CTTNBP2: variants seen among roughly 807,000 people sequenced by gnomAD.
CTTNBP2 encodes the protein cortactin binding protein 2, also known as cortactin-binding protein 2.
CTTNBP2 carries 108 observed loss-of-function variants against 156.9 expected under a neutral mutation model. The ratio of observed to expected loss-of-function variants is 0.69; its 90% confidence interval spans 0.59 to 0.81. The LOEUF (loss-of-function observed/expected upper bound fraction) is 0.81, where lower values mean the gene tolerates loss of function less well. Among genes scored for constraint, CTTNBP2 ranks in the 30% least tolerant of loss-of-function variants. CTTNBP2 has a pLI of 0.00. For synonymous variants in CTTNBP2, 767 were observed against 751.8 expected (o/e 1.02, Z -0.33); for missense variants, 1,924 against 2,035.4 (o/e 0.95, Z 1.05).
Position 117,757,986 on chromosome 7 carries a change from G to A in CTTNBP2, c.3173-16C>T. The A allele has an allele frequency of 1.3e-6, 2 of 1,596,500 alleles. No homozygotes were observed. Among genetic ancestry groups the A allele is most frequent in the Non-Finnish European group, 1.7e-6 (2 of 1,167,174 alleles). On this transcript the variant is annotated splice_polypyrimidine_tract_variant and intron_variant, in intron 10 of 22. Coordinates refer to ENST00000160373, the MANE Select transcript of CTTNBP2 (RefSeq NM_033427.3). ...GGCACATTTCCTAGTTTCAAAAAAT[G>A]AAATAAAATGTCAAGGGAAGCTTAT...
At chr7:117,811,200 G>C (rs1314837960) in intron 2 of CTTNBP2, among the ~76,000 whole-genome samples, 2 of 152,112 alleles carry the variant, frequency 1.3e-5, no homozygotes, top group African/African-American at 4.8e-5. Flanking sequence ...TTTTCTTCAA[G>C]AATATTGAAT....
chr7:117,832,576 C>G (rs1801675889), intron 2 of CTTNBP2, among the ~76,000 whole-genome samples: 1 of 151,882 alleles, frequency 6.6e-6, no homozygotes, highest in Non-Finnish European at 1.5e-5. Flanking sequence ...TCCTTTCTCC[C>G]TGTGAAGCTT....
intron 2 of CTTNBP2, among the ~76,000 whole-genome samples, chr7:117,845,047 A>G (rs1802503228): frequency 6.6e-6 from 1 of 152,174 alleles, no homozygotes; most frequent in Admixed American, 6.5e-5. Flanking sequence ...ATTTAAAGTG[A>G]GGGCAGTCAG....
intron 12 of CTTNBP2, among the ~76,000 whole-genome samples, chr7:117,755,013 T>C (rs1455863940): frequency 6.6e-6 from 1 of 152,242 alleles, no homozygotes; most frequent in Admixed American, 6.5e-5. Context: ...GGAGTGGTTC[T>C]ACCAGCTGAT....
chr7:117,781,396 T>C (rs1798426553), intron 6 of CTTNBP2, among the ~76,000 whole-genome samples: 1 of 152,248 alleles, frequency 6.6e-6, no homozygotes, highest in Non-Finnish European at 1.5e-5. Flanking sequence ...TTTATACATT[T>C]TTTTTAAATT....
At chr7:117,756,077 G>A (rs989684898) in intron 12 of CTTNBP2, among the ~76,000 whole-genome samples, 1 of 152,160 alleles carries the variant, frequency 6.6e-6, no homozygotes, top group African/African-American at 2.4e-5. Flanking sequence ...TCACCTGCTG[G>A]GACTTATATG....
At chr7:117,861,135 A>C (rs1308987912) in intron 2 of CTTNBP2, 74 bp downstream of exon 2, 1 of 837,086 alleles carries the variant, frequency 1.2e-6, no homozygotes, top group Non-Finnish European at 1.9e-6. Context: ...AATTAAGAAA[A>C]AGAAGGTTTG....
intron 2 of CTTNBP2, among the ~76,000 whole-genome samples, chr7:117,860,490 C>T (rs994111494): frequency 6.6e-6 from 1 of 151,984 alleles, no homozygotes; most frequent in Admixed American, 6.6e-5. Flanking sequence ...CTACACGCGC[C>T]CGCCACCATG....
chr7:117,862,870 C>G (rs1049948431), intron 1 of CTTNBP2, among the ~76,000 whole-genome samples: 1 of 152,198 alleles, frequency 6.6e-6, no homozygotes, highest in Admixed American at 6.5e-5. Flanking sequence ...GATCATGCAA[C>G]TAACCAGTAA....
At position 117,792,116 on chromosome 7, in the gene CTTNBP2, A is replaced by C. The variant is rs762068195; in HGVS notation, c.1080T>G (p.Ala360=). Reference sequence around the variant, plus strand: ...AAGCGCCAATCAAGTCACCATAGGAAGCCTGCCTGTCAATACCTGGTCTGG... The same window carrying C: ...AAGCGCCAATCAAGTCACCATAGGACGCCTGCCTGTCAATACCTGGTCTGG... ...TMARPGIDRQ[A]SYGDLIGASV... The change falls in exon 4 of 23, where the codon GCT becomes GCG. Residue 360 remains alanine, a synonymous_variant. Coordinates refer to ENST00000160373, the MANE Select transcript of CTTNBP2 (RefSeq NM_033427.3). This position sits in a 1 kb window ranked among gnomAD's most constrained non-coding sequence, Gnocchi z 4.2. The C allele has an allele frequency of 6.2e-7, 1 of 1,613,996 alleles. No individual in the cohort carries two copies. Among genetic ancestry groups the C allele is most frequent in the African/African-American group, 1.3e-5 (1 of 74,894 alleles).
chr7:117,745,790 G>A, intron 14 of CTTNBP2, 41 bp downstream of exon 14: 1 of 1,289,686 alleles, frequency 7.8e-7, no homozygotes, highest in Non-Finnish European at 1.1e-6. Context: ...TGAAGAGCAT[G>A]CCTTTAGGTT....
intron 2 of CTTNBP2, among the ~76,000 whole-genome samples, chr7:117,827,529 G>A (rs939471769): frequency 3.3e-5 from 5 of 152,162 alleles, no homozygotes; most frequent in African/African-American, 1.2e-4. Flanking sequence ...AGACACATGA[G>A]CACGTATACA....
At chr7:117,809,482 T>C (rs563863316) in intron 3 of CTTNBP2, among the ~76,000 whole-genome samples, 80 of 152,334 alleles carry the variant, frequency 5.3e-4, no homozygotes, top group African/African-American at 1.8e-3. Flanking sequence ...CTGAAATTCA[T>C]TGGCTCTTGT....
intron 8 of CTTNBP2, among the ~76,000 whole-genome samples, chr7:117,773,674 CACACACACACACACACACACACACACACA>C (rs1562992290): frequency 6.7e-6 from 1 of 149,576 alleles, no homozygotes; most frequent in Non-Finnish European, 1.5e-5. Flanking sequence ...CACACACACA[CACACACACACACACACACACACACACACA>C]CACACCCCAA....
At chr7:117,719,750 A>C (rs1343520125) in intron 20 of CTTNBP2, 114 bp from the exon 21 acceptor site, 6 of 747,486 alleles carry the variant, frequency 8.0e-6, no homozygotes, top group Non-Finnish European at 1.3e-5. Context: ...TGTTTTTAAT[A>C]GCCTTTAAAG....
Position 117,718,018 on chromosome 7 carries a change from C to G in CTTNBP2, c.4746G>C (p.Lys1582Asn), listed in dbSNP as rs1403418302. The change falls in exon 22 of 23, where the codon AAG becomes AAC. Residue 1582 changes from lysine (K) to asparagine (N), a missense_variant and splice_region_variant. By Grantham distance (94) the Lys-to-Asn change is moderately conservative. Transcript: ENST00000160373. ...INNLRMPVSQ[K>N]EVSPLSSHQT... The stretch of plus-strand genomic sequence containing the variant: ...ACTTTGGGGAGAAAGGGACACTTAC[C>G]TTTTGTGACACTGGCATTCTCAGAT... The G allele has an allele frequency of 6.3e-7, 1 of 1,591,910 alleles. No individual in the cohort carries two copies.
intron 2 of CTTNBP2, among the ~76,000 whole-genome samples, chr7:117,839,790 A>T (rs1316386029): frequency 2.0e-5 from 3 of 152,134 alleles, no homozygotes; most frequent in African/African-American, 4.8e-5. Context: ...TATCATCTAC[A>T]GGGCCCCATG....
intron 1 of CTTNBP2, among the ~76,000 whole-genome samples, chr7:117,871,338 A>C (rs1804583011): frequency 6.6e-6 from 1 of 152,216 alleles, no homozygotes; most frequent in Non-Finnish European, 1.5e-5. Context: ...TAAAAGGCCC[A>C]ATTTACTACA....
chr7:117,806,765 T>A (rs1473592662), intron 3 of CTTNBP2, among the ~76,000 whole-genome samples: 1 of 149,560 alleles, frequency 6.7e-6, no homozygotes, highest in Admixed American at 6.7e-5. Flanking sequence ...TTTTTTTTTT[T>A]TTTTTTATTT....
Sources: gnomAD v4.1 joint callset for allele counts (sites outside exome capture counted in the v4.1 genomes callset) on GRCh38, gnomAD v4.1.1 for gene constraint, Gnocchi (gnomAD v3.1) non-coding constraint, MANE v1.5 for transcripts, NCBI Gene and HGNC (gene_info 2026-07-23, HGNC 2026-07-21) for gene names.